Variants in COX10 observed in about 807,000 individuals in gnomAD.
COX10 encodes the protein protoheme IX farnesyltransferase, mitochondrial.
A neutral mutation model predicts 37.3 loss-of-function variants in COX10; 27 were observed. The ratio of observed to expected loss-of-function variants is 0.72; its 90% CI spans 0.53 to 1.00. The LOEUF (loss-of-function observed/expected upper bound fraction) is 1.00. COX10 is among the 50% of genes least tolerant of loss of function. COX10 has a pLI of 0.00. For synonymous variants in COX10, 222 were observed against 229.1 expected, an observed-to-expected ratio of 0.97 and a Z score of 0.28; for missense variants, 475 against 563.2, an observed-to-expected ratio of 0.84 and a Z score of 1.59.
Position 14,207,218 on chromosome 17 carries a change from A to G in COX10, c.*5A>G, listed in dbSNP as rs751928758. The G allele has an allele frequency of 1.8e-5, 28 of 1,583,118 alleles. No individual in the cohort carries two copies. The African/African-American group carries it at 3.5e-4, about 20-fold the overall frequency. ...GCAGGGCCCCCTCCCAGCTGAGAGC[A>G]CTGGGACGCCCACCGCCCCTTTCCC... is the stretch of plus-strand genomic sequence containing the variant. On this transcript the variant is annotated 3_prime_UTR_variant, in exon 7 of 7. Transcript: ENST00000261643.
At chr17:14,180,560 CTG>C (rs1291551175) in intron 5 of COX10, among the ~76,000 whole-genome samples, 4 of 152,162 alleles carry the variant, frequency 2.6e-5, no homozygotes, top group Non-Finnish European at 5.9e-5. Flanking sequence ...GCGTTGTGAG[CTG>C]TGACAGTATT....
intron 4 of COX10, among the ~76,000 whole-genome samples, chr17:14,111,908 C>T (rs901843873): frequency 6.6e-6 from 1 of 151,952 alleles, no homozygotes; most frequent in Non-Finnish European, 1.5e-5. Flanking sequence ...AGCTTCTGAC[C>T]TTAAGAACAT....
At position 14,185,928 on chromosome 17, in the gene COX10, T is replaced by C. The variant is rs370291944; in HGVS notation, c.696-6061T>C. On this transcript the variant is annotated intron_variant, in intron 5 of 6. Coordinates refer to ENST00000261643, the MANE Select transcript of COX10 (RefSeq NM_001303.4). ...ACCCTCATGTCATTAGACCAAAGAG[T>C]CGTTCAGTGGGAGAGGAGGGCCCGC... Among the ~76,000 whole-genome samples, 554 of 149,762 alleles carry C rather than the reference T, an allele frequency of 3.7e-3. 2 individuals carry two copies. The highest frequency in any genetic ancestry group is 5.7e-3 in the Admixed American group (85 of 15,034).
intron 1 of COX10, 145 bp downstream of exon 1, chr17:14,069,793 G>C (rs1402494993): frequency 8.6e-6 from 8 of 927,732 alleles, no homozygotes; most frequent in Admixed American, 6.0e-5. Context: ...ATGACCTCTG[G>C]AGTAGCTTGG....
At chr17:14,185,781 A>C (rs964174523) in intron 5 of COX10, among the ~76,000 whole-genome samples, 5 of 149,968 alleles carry the variant, frequency 3.3e-5, no homozygotes, top group African/African-American at 1.2e-4. Flanking sequence ...GCCTTATTTC[A>C]AACAAGAGTT....
At chr17:14,103,108 G>C (rs1015678) in intron 4 of COX10, among the ~76,000 whole-genome samples, 1 of 151,740 alleles carries the variant, frequency 6.6e-6, no homozygotes, top group African/African-American at 2.4e-5. Context: ...AAGTTTTTTT[G>C]TTGTTGTTGT....
At chr17:14,137,960 T>TG (rs1418382251) in intron 4 of COX10, among the ~76,000 whole-genome samples, 2 of 151,330 alleles carry the variant, frequency 1.3e-5, no homozygotes, top group African/African-American at 4.9e-5. Context: ...GTTTTTTTTT[T>TG]TTTTTTTTTT....
At chr17:14,084,205 A>G (rs1286377854) in intron 3 of COX10, among the ~76,000 whole-genome samples, 1 of 152,182 alleles carries the variant, frequency 6.6e-6, no homozygotes, top group Non-Finnish European at 1.5e-5. Context: ...CATTCACTGA[A>G]TATGAATTGA....
chr17:14,087,720 C>T (rs1008774868), intron 3 of COX10, among the ~76,000 whole-genome samples: 1 of 151,244 alleles, frequency 6.6e-6, no homozygotes, highest in African/African-American at 2.4e-5. Context: ...TCTCTGAAAC[C>T]GCAGGGCCAA....
chr17:14,069,970 G>GTCC (rs1057288533), intron 1 of COX10, among the ~76,000 whole-genome samples: 1 of 152,216 alleles, frequency 6.6e-6, no homozygotes, highest in Non-Finnish European at 1.5e-5. Context: ...GGGTTCCACA[G>GTCC]TCCTCCTTAT....
chr17:14,179,166 A>C, intron 5 of COX10: 1 of 737,858 alleles, frequency 1.4e-6, no homozygotes. Context: ...TAGTTCAGTT[A>C]AAATTGGAGT....
In COX10 at chr17:14,182,310, G is replaced by T. The variant is rs992515661; in HGVS notation, c.696-9679G>T. ...AATAAATAAATAAATAAATAAAAAG[G>T]TGTCTGTGTATGTGAAACCACAGTC... On this transcript the variant is annotated intron_variant, in intron 5 of 6. Coordinates refer to ENST00000261643, the MANE Select transcript of COX10 (RefSeq NM_001303.4). The T allele has an allele frequency of 6.1e-6, 5 of 816,548 alleles. No homozygotes were observed. In the African/African-American group the frequency reaches 7.6e-5, roughly 12 times the overall value. The allele number at this position is 816,548 out of a possible 1,614,324, so 50.6% of individuals were successfully genotyped here.
intron 4 of COX10, among the ~76,000 whole-genome samples, chr17:14,131,472 A>G (rs1916465382): frequency 6.6e-6 from 1 of 151,752 alleles, no homozygotes; most frequent in African/African-American, 2.4e-5. Flanking sequence ...TTTTTTATTT[A>G]TTTTTCTATA....
intron 4 of COX10, among the ~76,000 whole-genome samples, chr17:14,124,397 T>C (rs1916291527): frequency 6.6e-6 from 1 of 152,140 alleles, no homozygotes; most frequent in African/African-American, 2.4e-5. Flanking sequence ...TTTTCCTAAT[T>C]TCCATTCGCA....
chr17:14,148,933 G>A (rs952441153), intron 4 of COX10, among the ~76,000 whole-genome samples: 4 of 146,764 alleles, frequency 2.7e-5, no homozygotes, highest in African/African-American at 9.9e-5. Context: ...TATATTACTA[G>A]GTAATTATAT....
intron 5 of COX10, among the ~76,000 whole-genome samples, chr17:14,178,921 C>T (rs971584604): frequency 6.6e-6 from 1 of 152,114 alleles, no homozygotes; most frequent in Non-Finnish European, 1.5e-5. Context: ...AATGGGAGGA[C>T]AAAAGTACCT....
rs751026702 is a variant in COX10 at position 14,207,090 on chromosome 17, A to G, written c.1209A>G (p.Ala403=). 24 of 1,613,930 alleles carry G rather than the reference A, an allele frequency of 1.5e-5. 2 individuals carry two copies. The South Asian group carries it at 2.6e-4, about 18-fold the overall frequency. The change falls in exon 7 of 7, where the codon GCA becomes GCG. Residue 403 remains alanine, a synonymous_variant. Coordinates refer to ENST00000261643, the MANE Select transcript of COX10 (RefSeq NM_001303.4). ...SYLGFRFYVD[A]DRRSSRRLFF... ...TCGGCTTCCGCTTCTACGTGGACGCAGACCGCAGGAGCTCGCGGAGACTGT... is the reference window on the plus strand; with the variant it reads ...TCGGCTTCCGCTTCTACGTGGACGCGGACCGCAGGAGCTCGCGGAGACTGT...
rs906998680 is a variant in COX10 at position 14,172,557 on chromosome 17, A to C, written c.695+12610A>C. Among the ~76,000 whole-genome samples, 6 of 140,138 alleles carry C rather than the reference A, an allele frequency of 4.3e-5. No homozygotes were observed. In the East Asian group the frequency reaches 1.3e-3, roughly 29 times the overall value. 91.9% of individuals were successfully genotyped at this position (140,138 alleles called of 152,430 possible). On this transcript the variant is annotated intron_variant, in intron 5 of 6. Transcript: ENST00000261643. Reference sequence around the variant, plus strand: ...TCTCGTATACCTTTTGGCTATTCGTATGTCTTCTTTTTTTCTTTTTCTTTT... The same window carrying C: ...TCTCGTATACCTTTTGGCTATTCGTCTGTCTTCTTTTTTTCTTTTTCTTTT...
chr17:14,087,967 C>T (rs878923204), intron 3 of COX10, among the ~76,000 whole-genome samples: 1 of 152,060 alleles, frequency 6.6e-6, no homozygotes, highest in Non-Finnish European at 1.5e-5. Context: ...CTCATTTTGG[C>T]ACGACCCTCT....
Sources: allele counts gnomAD v4.1 joint callset (sites outside exome capture counted in the v4.1 genomes callset), GRCh38; gene constraint gnomAD v4.1.1; transcripts MANE v1.5; gene names NCBI Gene and HGNC (gene_info 2026-07-23, HGNC 2026-07-21).